The following SLC7A2 variants were observed in gnomAD, a reference collection of about 807,000 sequenced individuals.
SLC7A2 encodes cationic amino acid transporter 2.
In SLC7A2, 48 loss-of-function variants were observed where a neutral mutation model predicts 58.9. The observed-to-expected ratio is 0.82, with a 90% CI of 0.65 to 1.04. SLC7A2 has a LOEUF of 1.04. SLC7A2 is among the 50% of genes least tolerant of loss of function. The probability of loss-of-function intolerance (pLI) is 0.00; values close to 1 mark genes in which losing one functional copy is unlikely to be tolerated. For missense variants in SLC7A2, 1,029 were observed against 818.8 expected, an observed-to-expected ratio of 1.26 and a Z score of -3.13; for synonymous variants, 363 against 314.5, an observed-to-expected ratio of 1.15 and a Z score of -1.63.
At chr8:17,562,908 A>G (rs1803086773) in intron 11 of SLC7A2, among the ~76,000 whole-genome samples, 1 of 152,162 alleles carries the variant, frequency 6.6e-6, no homozygotes, top group African/African-American at 2.4e-5. Flanking sequence ...TGAAAGGCCA[A>G]GGCAGGAGGA....
intron 2 of SLC7A2, among the ~76,000 whole-genome samples, chr8:17,508,042 G>A (rs1163286357): frequency 1.3e-5 from 2 of 151,588 alleles, no homozygotes; most frequent in Non-Finnish European, 2.9e-5. Flanking sequence ...CTCATAAATG[G>A]TGCTTTTAAA....
chr8:17,556,652 A>G (rs549836388), intron 8 of SLC7A2, among the ~76,000 whole-genome samples: 57 of 152,004 alleles, frequency 3.7e-4, no homozygotes, highest in Admixed American at 1.0e-3. Context: ...TCTGTCACCC[A>G]GGCTGGAGTG....
At chr8:17,501,904 C>T (rs551657935) in intron 1 of SLC7A2, among the ~76,000 whole-genome samples, 12 of 150,650 alleles carry the variant, frequency 8.0e-5, no homozygotes, top group South Asian at 2.1e-4. Context: ...AAAGTCCCAA[C>T]TGTGTTATAT....
In SLC7A2 at chr8:17,568,117, T is replaced by C. The variant is rs578130523; in HGVS notation, c.*2971T>C. 17 of 152,278 alleles carry C rather than the reference T, an allele frequency of 1.1e-4. No individual in the cohort carries two copies. Among genetic ancestry groups the C allele is most frequent in the African/African-American group, 4.1e-4 (17 of 41,562 alleles). 9.4% of individuals were successfully genotyped at this position (152,278 alleles called of 1,614,324 possible). On this transcript the variant is annotated 3_prime_UTR_variant, in exon 13 of 13. Coordinates refer to ENST00000494857, the MANE Select transcript of SLC7A2 (RefSeq NM_001370338.1). Reference sequence around the variant, plus strand: ...AAAGTCTTCTCCAGTAATTAAGAAATACATATGCAAATTCTTTTGTGATTG... The same window carrying C: ...AAAGTCTTCTCCAGTAATTAAGAAACACATATGCAAATTCTTTTGTGATTG...
chr8:17,527,525 C>A (rs1801267405), intron 2 of SLC7A2, among the ~76,000 whole-genome samples: 1 of 152,206 alleles, frequency 6.6e-6, no homozygotes, highest in South Asian at 2.1e-4. Flanking sequence ...GTTTGTCTTA[C>A]AGTTCTGGAA....
chr8:17,531,255 T>C (rs910769982), intron 2 of SLC7A2, among the ~76,000 whole-genome samples: 1 of 152,210 alleles, frequency 6.6e-6, no homozygotes, highest in African/African-American at 2.4e-5. Flanking sequence ...TCTTACAGTC[T>C]TCTTATTTGA....
chr8:17,542,640 G>A (rs1488000489), intron 2 of SLC7A2, among the ~76,000 whole-genome samples: 6 of 121,862 alleles, frequency 4.9e-5, no homozygotes, highest in Non-Finnish European at 1.3e-4. Context: ...GACAGAGTGA[G>A]ACCCTGTCTC....
chr8:17,554,775 A>G (rs1585258961), intron 8 of SLC7A2, 76 bp downstream of exon 8: 3 of 1,477,152 alleles, frequency 2.0e-6, no homozygotes, highest in Admixed American at 2.3e-5. Flanking sequence ...ATACAAAGCT[A>G]GGTGGTTTTC....
At chr8:17,540,387 A>C (rs997271102) in intron 2 of SLC7A2, among the ~76,000 whole-genome samples, 1 of 152,194 alleles carries the variant, frequency 6.6e-6, no homozygotes, top group Non-Finnish European at 1.5e-5. Flanking sequence ...AATGCTTGAC[A>C]AATGGGATCT....
chr8:17,518,612 T>C, intron 2 of SLC7A2, among the ~76,000 whole-genome samples: 1 of 75,678 alleles, frequency 1.3e-5, no homozygotes, highest in Non-Finnish European at 4.0e-5. Flanking sequence ...GAAACTTCAG[T>C]GGCCACAACA....
chr8:17,557,459 G>A (rs749420881), intron 8 of SLC7A2, among the ~76,000 whole-genome samples: 47 of 152,110 alleles, frequency 3.1e-4, no homozygotes, highest in Non-Finnish European at 8.8e-5. Flanking sequence ...GGCTTTAATC[G>A]TAGTAGAATT....
At chr8:17,494,686 C>T (rs561241066), upstream of SLC7A2, among the ~76,000 whole-genome samples, 9 of 152,310 alleles carry the variant, frequency 5.9e-5, no homozygotes, top group East Asian at 1.2e-3. Context: ...CGTGGGCATC[C>T]TATTCTTTCC....
intron 9 of SLC7A2, 78 bp from the exon 10 acceptor site, chr8:17,560,248 ACT>A: frequency 1.0e-6 from 1 of 988,112 alleles, no homozygotes; most frequent in African/African-American, 1.6e-5. Flanking sequence ...ATGATGTCTT[ACT>A]TAAGGTTTTA....
chr8:17,513,925 A>G (rs563480858), intron 2 of SLC7A2, among the ~76,000 whole-genome samples: 16 of 152,316 alleles, frequency 1.1e-4, no homozygotes, highest in South Asian at 8.3e-4. Flanking sequence ...AAAAGTAGCA[A>G]TCAAGTTCTA....
At position 17,501,123 on chromosome 8, in the gene SLC7A2, C is replaced by T. The variant is rs575634505; in HGVS notation, c.-68-1134C>T. 3.2e-4 allele frequency among the ~76,000 whole-genome samples: 49 copies of T among 152,090 alleles called. No individual in the cohort carries two copies. In the South Asian group the frequency reaches 0.01, roughly 32 times the overall value. On this transcript the variant is annotated intron_variant, in intron 1 of 12. Transcript: ENST00000494857. Reference sequence around the variant, plus strand: ...TCACCTCGTGGGTTCAAGCAGTTCTCATGCCTCAGCCTCCCGAGTAGCTGG... The same window carrying T: ...TCACCTCGTGGGTTCAAGCAGTTCTTATGCCTCAGCCTCCCGAGTAGCTGG...
At chr8:17,522,108 T>C (rs1439325327) in intron 2 of SLC7A2, among the ~76,000 whole-genome samples, 2 of 152,148 alleles carry the variant, frequency 1.3e-5, no homozygotes, top group East Asian at 3.9e-4. Context: ...ATTGGATAAT[T>C]TATTTTAAAA....
At chr8:17,544,700 G>A (rs1802083325) in intron 4 of SLC7A2, 94 bp downstream of exon 4, 2 of 1,024,448 alleles carry the variant, frequency 2.0e-6, no homozygotes, top group Non-Finnish European at 2.9e-6. Context: ...GAGTTCCCAA[G>A]ATGAGATTAG....
rs975532224 is a variant in SLC7A2, at chr8:17,539,011, C to G, written c.-22-4307C>G. On this transcript the variant is annotated intron_variant, in intron 2 of 12. Coordinates refer to ENST00000494857, the MANE Select transcript of SLC7A2 (RefSeq NM_001370338.1). ...TACTTAGGGGAGGAAGGGAAAGATT[C>G]ATTTCTAAGTGACTCAATGCAACTT... The G allele has an allele frequency of 7.4e-6, 9 of 1,218,970 alleles. No individual in the cohort carries two copies. The African/African-American group carries it at 1.2e-4, about 16-fold the overall frequency. 75.5% of individuals were successfully genotyped at this position (1,218,970 alleles called of 1,614,324 possible). A position where few individuals can be genotyped will look rare whatever the true frequency, so the allele number is the denominator to read the frequency against.
intron 1 of SLC7A2, chr8:17,500,355 T>G (rs1262080200): frequency 6.6e-6 from 1 of 152,228 alleles, no homozygotes; most frequent in African/African-American, 2.4e-5. Flanking sequence ...TATATTTCCC[T>G]TTTACTTGAC....
Sources: allele counts gnomAD v4.1 joint callset (sites outside exome capture counted in the v4.1 genomes callset), GRCh38; gene constraint gnomAD v4.1.1; transcripts MANE v1.5; gene names NCBI Gene and HGNC (gene_info 2026-07-23, HGNC 2026-07-21).